Variants in ATP2B2 observed in about 807,000 individuals in gnomAD.
ATP2B2 encodes the protein plasma membrane calcium-transporting ATPase 2.
ATP2B2 carries 15 observed loss-of-function variants against 120.0 expected under a neutral mutation model. The observed-to-expected ratio is 0.12, with a 90% CI of 0.08 to 0.19. ATP2B2 has a LOEUF of 0.19. Ranked by LOEUF, ATP2B2 falls within the 10% of genes least tolerant of loss-of-function variation. The pLI, the probability that ATP2B2 is intolerant of heterozygous loss-of-function variation, is 1.00. For synonymous variants in ATP2B2, 694 were observed against 700.3 expected, an observed-to-expected ratio of 0.99 and a Z score of 0.14; for missense variants, 1,045 against 1,719.8, an observed-to-expected ratio of 0.61 and a Z score of 6.94.
intron 1 of ATP2B2, among the ~76,000 whole-genome samples, chr3:10,465,812 T>C (rs1447715372): frequency 1.3e-5 from 2 of 152,172 alleles, no homozygotes; most frequent in Non-Finnish European, 2.9e-5. Context: ...GGTGCTAGGT[T>C]GGGGGGCGTG....
chr3:10,499,982 C>T (rs1410137610), intron 1 of ATP2B2, among the ~76,000 whole-genome samples: 1 of 141,164 alleles, frequency 7.1e-6, no homozygotes, highest in African/African-American at 2.8e-5. Flanking sequence ...GTCACCCAGG[C>T]TAGAGTGCAA....
At chr3:10,496,686 C>T (rs543935123) in intron 1 of ATP2B2, among the ~76,000 whole-genome samples, 1 of 152,180 alleles carries the variant, frequency 6.6e-6, no homozygotes, top group Non-Finnish European at 1.5e-5. Context: ...CAACCCCGCC[C>T]CTTCCCCCGT....
At position 10,357,309 on chromosome 3, in the gene ATP2B2, A is replaced by AGGTTATGT. The variant is rs1403727504; in HGVS notation, c.2136+1374_2136+1381dup. ...CCCAGTATGCAGATGAGGCTCAGAG[A>AGGTTATGT]GGTTATGTAACTGGTTCAACGTCAC... On this transcript the variant is annotated intron_variant, in intron 14 of 22. Coordinates refer to ENST00000360273, the MANE Select transcript of ATP2B2 (RefSeq NM_001001331.4). Among the ~76,000 whole-genome samples, 5 of 152,222 alleles carry AGGTTATGT rather than the reference A, an allele frequency of 3.3e-5. No homozygotes were observed. In the East Asian group the frequency reaches 9.7e-4, roughly 29 times the overall value.
At chr3:10,551,431 C>T (rs546345041) in intron 2 of ATP2B2, among the ~76,000 whole-genome samples, 4 of 152,230 alleles carry the variant, frequency 2.6e-5, no homozygotes, top group Non-Finnish European at 4.4e-5. Flanking sequence ...GATCTGTGAT[C>T]ACTGTCAGTG....
intron 2 of ATP2B2, chr3:10,566,385 T>C (rs1170423346): frequency 1.3e-5 from 2 of 152,262 alleles, no homozygotes; most frequent in African/African-American, 4.8e-5. Flanking sequence ...AACATCATTT[T>C]ACTTTTTTTC....
chr3:10,497,101 T>C (rs1243587728), intron 1 of ATP2B2, among the ~76,000 whole-genome samples: 1 of 152,212 alleles, frequency 6.6e-6, no homozygotes, highest in Non-Finnish European at 1.5e-5. Context: ...TTAGGCCCCT[T>C]CCACTGTTTG....
At position 10,449,743 on chromosome 3, in the gene ATP2B2, C is replaced by T. The variant is rs555466363; in HGVS notation, c.-200G>A. ...GTGGTGAGCTCCAAGAGGTGTCCTC[C>T]GGTGTGGGACGAGGTCCAGGGGCCG... On this transcript the variant is annotated 5_prime_UTR_variant, in exon 2 of 23. Transcript: ENST00000360273. 51 of 664,796 alleles carry T rather than the reference C, an allele frequency of 7.7e-5. No individual in the cohort carries two copies. Among genetic ancestry groups the T allele is most frequent in the Middle Eastern group, 4.0e-4 (1 of 2,524 alleles). 41.2% of individuals were successfully genotyped at this position (664,796 alleles called of 1,614,324 possible). A position where few individuals can be genotyped will look rare whatever the true frequency, so the allele number is the denominator to read the frequency against.
intron 1 of ATP2B2, among the ~76,000 whole-genome samples, chr3:10,657,658 T>C (rs7613717): frequency 0.22 from 33,385 of 152,220 alleles, 6,112 homozygotes; most frequent in African/African-American, 0.5. Context: ...CTCTGTAGAC[T>C]CCACCTCTGG....
intron 1 of ATP2B2, among the ~76,000 whole-genome samples, chr3:10,689,221 C>T (rs1028209245): frequency 1.2e-4 from 19 of 152,146 alleles, no homozygotes; most frequent in African/African-American, 4.3e-4. Flanking sequence ...CATTCTGAGC[C>T]TCTTTTAGAG....
intron 1 of ATP2B2, among the ~76,000 whole-genome samples, chr3:10,642,481 C>G (rs1181074961): frequency 6.6e-6 from 1 of 152,156 alleles, no homozygotes; most frequent in Non-Finnish European, 1.5e-5. Context: ...AACCAGATAA[C>G]TTTACAATCT....
chr3:10,664,236 T>C (rs1057219337), intron 1 of ATP2B2, among the ~76,000 whole-genome samples: 1 of 152,052 alleles, frequency 6.6e-6, no homozygotes, highest in African/African-American at 2.4e-5. Context: ...CCGCAGCATG[T>C]TTCTAATGAG....
At chr3:10,597,924 T>C (rs1396148594) in intron 2 of ATP2B2, among the ~76,000 whole-genome samples, 2 of 152,202 alleles carry the variant, frequency 1.3e-5, no homozygotes, top group African/African-American at 4.8e-5. Flanking sequence ...AATTGGAAGA[T>C]GACATCATCT....
At chr3:10,615,834 G>GA (rs2069371223) in intron 2 of ATP2B2, among the ~76,000 whole-genome samples, 1 of 152,156 alleles carries the variant, frequency 6.6e-6, no homozygotes, top group Admixed American at 6.5e-5. Flanking sequence ...CACTTCATGA[G>GA]AGTTTCTTAG....
At chr3:10,469,003 G>A (rs1465838810) in intron 1 of ATP2B2, among the ~76,000 whole-genome samples, 2 of 152,272 alleles carry the variant, frequency 1.3e-5, no homozygotes, top group African/African-American at 4.8e-5. Context: ...CTCCACACGA[G>A]CTGAGTAATG....
chr3:10,469,055 C>T (rs983892526), intron 1 of ATP2B2, among the ~76,000 whole-genome samples: 5 of 151,728 alleles, frequency 3.3e-5, no homozygotes, highest in Admixed American at 2.0e-4. Flanking sequence ...CCACTCATCT[C>T]GCAAACTTTT....
intron 2 of ATP2B2, among the ~76,000 whole-genome samples, chr3:10,434,168 G>A (rs1218781015): frequency 6.6e-6 from 1 of 152,200 alleles, no homozygotes; most frequent in African/African-American, 2.4e-5. Context: ...ATACTCTCAG[G>A]GCACAACTTA....
intron 1 of ATP2B2, among the ~76,000 whole-genome samples, chr3:10,484,879 T>C (rs192267127): frequency 6.6e-6 from 1 of 152,344 alleles, no homozygotes; most frequent in Non-Finnish European, 1.5e-5. Context: ...TCTGCGCAGA[T>C]TCCTTCACAG....
At chr3:10,392,600 G>C (rs1181986077) in intron 5 of ATP2B2, among the ~76,000 whole-genome samples, 1 of 152,248 alleles carries the variant, frequency 6.6e-6, no homozygotes, top group Non-Finnish European at 1.5e-5. Context: ...CCCTGATAGG[G>C]CCTTGTGGGA....
chr3:10,692,775 G>A (rs906553487), intron 1 of ATP2B2, among the ~76,000 whole-genome samples: 1 of 151,986 alleles, frequency 6.6e-6, no homozygotes, highest in Non-Finnish European at 1.5e-5. Context: ...ATATGCCCAG[G>A]AGCAGTCACT....
Sources: allele counts gnomAD v4.1 joint callset (sites outside exome capture counted in the v4.1 genomes callset), GRCh38; gene constraint gnomAD v4.1.1; transcripts MANE v1.5; gene names NCBI Gene and HGNC (gene_info 2026-07-23, HGNC 2026-07-21).